Variants in EYS observed in about 807,000 individuals in gnomAD.
EYS encodes the protein protein eyes shut homolog.
In EYS, 250 loss-of-function variants were observed where a neutral mutation model predicts 282.1. The ratio of observed to expected loss-of-function variants is 0.89; its 90% CI spans 0.80 to 0.98. EYS has a LOEUF of 0.98. Ranked by LOEUF, EYS falls within the 50% of genes least tolerant of loss-of-function variation. The pLI is 0.00. For missense variants in EYS, 4,016 were observed against 3,709.0 expected, an observed-to-expected ratio of 1.08 and a Z score of -2.15; for synonymous variants, 1,355 against 1,282.9, an observed-to-expected ratio of 1.06 and a Z score of -1.20.
At chr6:63,951,438 T>C (rs1249796145) in intron 35 of EYS, among the ~76,000 whole-genome samples, 1 of 152,108 alleles carries the variant, frequency 6.6e-6, no homozygotes, top group Non-Finnish European at 1.5e-5. Context: ...CCAATGTGAC[T>C]TGTCCCAAAT....
chr6:64,412,639 C>A (rs575488472), intron 28 of EYS: 2 of 152,024 alleles, frequency 1.3e-5, no homozygotes, highest in East Asian at 1.9e-4. Flanking sequence ...TCCTGAGGAA[C>A]CTCAAGTGTG....
chr6:65,102,427 A>AC (rs1406541846), intron 12 of EYS, among the ~76,000 whole-genome samples: 1 of 151,268 alleles, frequency 6.6e-6, no homozygotes, highest in African/African-American at 2.4e-5. Context: ...AAATAGACAA[A>AC]CCCAGTATTC....
intron 31 of EYS, among the ~76,000 whole-genome samples, chr6:64,192,942 AGTTT>A (rs1015121847): frequency 2.0e-5 from 3 of 151,912 alleles, no homozygotes; most frequent in African/African-American, 4.8e-5. Context: ...TCTGTGTGTG[AGTTT>A]GTTTGTACTC....
intron 22 of EYS, among the ~76,000 whole-genome samples, chr6:64,718,660 C>A (rs893269869): frequency 6.6e-6 from 1 of 152,162 alleles, no homozygotes; most frequent in Non-Finnish European, 1.5e-5. Context: ...GCATAATTGA[C>A]TGTATCTAAC....
At position 64,507,274 on chromosome 6, in the gene EYS, A is replaced by G. The variant is rs562762562; in HGVS notation, c.5645-67922T>C. Among the ~76,000 whole-genome samples, 7 of 152,236 alleles carry G rather than the reference A, an allele frequency of 4.6e-5. No individual in the cohort carries two copies. The East Asian group carries it at 1.2e-3, about 25-fold the overall frequency. On this transcript the variant is annotated intron_variant, in intron 26 of 42. Transcript: ENST00000503581. ...GGGACATGGATGAAGCTGGAAACCA[A>G]CATTCTCAGCAAACTATTGCAAGGA...
At chr6:65,233,275 C>T (rs1337961475) in intron 12 of EYS, among the ~76,000 whole-genome samples, 5 of 152,124 alleles carry the variant, frequency 3.3e-5, no homozygotes, top group Admixed American at 1.3e-4. Context: ...GGGATATTTT[C>T]GGTAATATGT....
intron 35 of EYS, among the ~76,000 whole-genome samples, chr6:63,891,766 A>T (rs1462014026): frequency 1.3e-5 from 2 of 152,230 alleles, no homozygotes; most frequent in African/African-American, 4.8e-5. Flanking sequence ...AATAAAGGGT[A>T]TTCAAATAGG....
intron 11 of EYS, among the ~76,000 whole-genome samples, chr6:65,320,200 G>A (rs140166265): frequency 0.047 from 6,982 of 149,682 alleles, 221 homozygotes; most frequent in South Asian, 0.092. Context: ...CATGCTGAAG[G>A]GACTGAAGTC....
At chr6:64,665,902 T>G (rs1398360466) in intron 22 of EYS, among the ~76,000 whole-genome samples, 1 of 142,874 alleles carries the variant, frequency 7.0e-6, no homozygotes. Context: ...ATCATCAACA[T>G]AATGTGTACT....
At position 64,590,256 on chromosome 6, in the gene EYS, A is replaced by C. The variant is rs1766361342; in HGVS notation, c.5611T>G (p.Ser1871Ala). 1 of 1,549,606 alleles carries C rather than the reference A, an allele frequency of 6.5e-7. No individual in the cohort carries two copies. Among genetic ancestry groups the C allele is most frequent in the Non-Finnish European group, 8.7e-7 (1 of 1,145,984 alleles). ...ATCAGCCGTTGAGGTGCCAGAATGG[A>C]TTCCAGTGAAGACAAAGTAAGAGAT... ...TRSLTLSSLESILAPQRLMIS... is the reference protein window; with the variant it reads ...TRSLTLSSLEAILAPQRLMIS... Residue 1871 changes from serine to alanine, a missense_variant, in exon 26 of 43, where the codon TCC (serine) becomes GCC (alanine). Coordinates refer to ENST00000503581, the MANE Select transcript of EYS (RefSeq NM_001142800.2).
At chr6:64,577,427 G>T (rs1054225206) in intron 26 of EYS, among the ~76,000 whole-genome samples, 7 of 151,380 alleles carry the variant, frequency 4.6e-5, no homozygotes, top group African/African-American at 1.7e-4. Flanking sequence ...TCTCTCAATC[G>T]TTCAAATTAT....
intron 5 of EYS, among the ~76,000 whole-genome samples, chr6:65,449,952 A>G (rs1418081237): frequency 6.6e-6 from 1 of 152,132 alleles, no homozygotes; most frequent in African/African-American, 2.4e-5. Context: ...AGTATTTTAA[A>G]CACTTTAGCA....
chr6:65,201,642 A>T (rs1407296507), intron 12 of EYS, among the ~76,000 whole-genome samples: 1 of 152,172 alleles, frequency 6.6e-6, no homozygotes, highest in Non-Finnish European at 1.5e-5. Flanking sequence ...GCTATCTAAA[A>T]TATATATGGA....
chr6:65,040,045 C>T (rs182310345), intron 13 of EYS, among the ~76,000 whole-genome samples: 293 of 151,740 alleles, frequency 1.9e-3, no homozygotes, highest in African/African-American at 6.6e-3. Context: ...AAAATAGTTG[C>T]TCCTTACCAG....
intron 2 of EYS, among the ~76,000 whole-genome samples, chr6:65,510,175 C>T (rs1766814847): frequency 8.9e-6 from 1 of 112,324 alleles, no homozygotes; most frequent in African/African-American, 3.3e-5. Flanking sequence ...TCCCCCCTCC[C>T]CCCACCCCAC....
intron 12 of EYS, among the ~76,000 whole-genome samples, chr6:65,281,687 C>A (rs1253392860): frequency 4.6e-5 from 7 of 151,996 alleles, no homozygotes; most frequent in Non-Finnish European, 1.5e-5. Flanking sequence ...GAGAGAAAAA[C>A]CATATATTTC....
intron 12 of EYS, among the ~76,000 whole-genome samples, chr6:65,264,104 C>G (rs934446776): frequency 6.6e-6 from 1 of 151,384 alleles, no homozygotes; most frequent in Non-Finnish European, 1.5e-5. Flanking sequence ...TTGGAATGTT[C>G]TATTTAAAAA....
intron 31 of EYS, among the ~76,000 whole-genome samples, chr6:64,168,700 C>G (rs1266771111): frequency 6.6e-6 from 1 of 152,048 alleles, no homozygotes. Context: ...GGAAGGAAAA[C>G]TTATGGTCAT....
intron 36 of EYS, among the ~76,000 whole-genome samples, chr6:63,818,946 A>T (rs978740971): frequency 1.2e-4 from 19 of 152,122 alleles, no homozygotes; most frequent in Non-Finnish European, 2.5e-4. Context: ...AAATATCTTG[A>T]ATTCTTATAA....
Sources: allele counts gnomAD v4.1 joint callset (sites outside exome capture counted in the v4.1 genomes callset), GRCh38; gene constraint gnomAD v4.1.1; transcripts MANE v1.5; gene names NCBI Gene and HGNC (gene_info 2026-07-23, HGNC 2026-07-21).